The following LRBA variants were observed in gnomAD, a reference collection of about 807,000 sequenced individuals.
LRBA encodes lipopolysaccharide-responsive and beige-like anchor protein.
In LRBA, 176 loss-of-function variants were observed where a neutral mutation model predicts 330.0. The observed-to-expected ratio is 0.53, with a 90% CI of 0.47 to 0.60. The LOEUF is 0.60. Ranked by LOEUF, LRBA falls within the 20% of genes least tolerant of loss-of-function variation. The probability of loss-of-function intolerance (pLI) is 0.00; values close to 1 mark genes in which losing one functional copy is unlikely to be tolerated. For missense variants in LRBA, 3,259 were observed against 3,444.8 expected (o/e 0.95, Z 1.35); for synonymous variants, 1,230 against 1,193.0 (o/e 1.03, Z -0.64).
At chr4:150,335,568 A>G (rs1734613751) in intron 48 of LRBA, among the ~76,000 whole-genome samples, 2 of 150,874 alleles carry the variant, frequency 1.3e-5, no homozygotes, top group African/African-American at 4.9e-5. Flanking sequence ...ATATGTATAT[A>G]TAAAGCACTT....
intron 36 of LRBA, among the ~76,000 whole-genome samples, chr4:150,707,035 GAAC>G (rs1179677503): frequency 6.6e-6 from 1 of 151,558 alleles, no homozygotes; most frequent in Non-Finnish European, 1.5e-5. Context: ...GCAAAATACA[GAAC>G]ATTATTTATA....
intron 40 of LRBA, among the ~76,000 whole-genome samples, chr4:150,530,165 T>C: frequency 6.6e-6 from 1 of 152,210 alleles, no homozygotes; most frequent in East Asian, 1.9e-4. Context: ...GAAAACCATT[T>C]AAGAAAAGAA....
chr4:150,885,162 G>A (rs1416589016), intron 17 of LRBA, among the ~76,000 whole-genome samples: 2 of 140,850 alleles, frequency 1.4e-5, no homozygotes, highest in African/African-American at 5.4e-5. Flanking sequence ...GACACTGTAG[G>A]ACAATACAGT....
chr4:150,582,700 C>T, intron 40 of LRBA: 2 of 238,612 alleles, frequency 8.4e-6, no homozygotes, highest in Non-Finnish European at 1.6e-5. Context: ...TCTCCTTCCT[C>T]ACGCCCACCC....
At position 150,695,783 on chromosome 4, in the gene LRBA, TA is replaced by T. The variant is rs578097302; in HGVS notation, c.5755-12067del. On this transcript the variant is annotated intron_variant, in intron 36 of 56. Transcript: ENST00000651943. ...ACTTTCTGCTAATCTGCAAAAGAGT[TA>T]GATGATCTTAAGCAAATCCTATCAT... is the stretch of plus-strand genomic sequence containing the variant. Among the ~76,000 whole-genome samples the T allele has an allele frequency of 5.8e-3, 882 of 152,328 alleles. 7 individuals carry two copies. The highest frequency in any genetic ancestry group is 0.02 in the African/African-American group (817 of 41,552).
chr4:150,529,759 G>C (rs1172078072), intron 40 of LRBA, among the ~76,000 whole-genome samples: 1 of 150,440 alleles, frequency 6.6e-6, no homozygotes, highest in Admixed American at 6.6e-5. Context: ...ACCAGCTTAA[G>C]ACAAAGTAGA....
intron 39 of LRBA, among the ~76,000 whole-genome samples, chr4:150,589,076 G>C (rs754182080): frequency 0.021 from 2,613 of 125,464 alleles, 24 homozygotes; most frequent in East Asian, 0.029. Flanking sequence ...CACACACAGA[G>C]AGAGAGAGAT....
intron 36 of LRBA, among the ~76,000 whole-genome samples, chr4:150,686,443 T>C (rs993620444): frequency 1.5e-4 from 23 of 152,220 alleles, no homozygotes; most frequent in African/African-American, 4.6e-4. Flanking sequence ...AAGAAATGTA[T>C]GAAAGGGCAG....
rs1745191594 is a variant in LRBA at position 150,265,516 on chromosome 4, A to G, written c.*206T>C. ...CTAAAAATATAGATTTTTTAAAACT[A>G]CAGAACCCAGCAGCCAGTTTTCTGC... On this transcript the variant is annotated 3_prime_UTR_variant, in exon 57 of 57. Transcript: ENST00000651943. 1 of 481,610 alleles carries G rather than the reference A, an allele frequency of 2.1e-6. No individual in the cohort carries two copies. The highest frequency in any genetic ancestry group is 3.8e-6 in the Non-Finnish European group (1 of 264,294). 29.8% of individuals were successfully genotyped at this position (481,610 alleles called of 1,614,324 possible). A position where few individuals can be genotyped will look rare whatever the true frequency, so the allele number is the denominator to read the frequency against.
chr4:150,810,438 T>C (rs1250363985), intron 31 of LRBA, among the ~76,000 whole-genome samples: 1 of 135,026 alleles, frequency 7.4e-6, no homozygotes, highest in African/African-American at 2.7e-5. Flanking sequence ...TTCCTTTATA[T>C]ACCGGAAGTT....
At chr4:150,376,635 AGTT>A (rs1273933336) in intron 47 of LRBA, among the ~76,000 whole-genome samples, 5 of 152,174 alleles carry the variant, frequency 3.3e-5, no homozygotes, top group Admixed American at 3.3e-4. Flanking sequence ...CACTGCATTT[AGTT>A]GTTGTGTCTA....
At chr4:150,348,490 T>A (rs1736707628) in intron 48 of LRBA, among the ~76,000 whole-genome samples, 2 of 152,168 alleles carry the variant, frequency 1.3e-5, no homozygotes, top group Admixed American at 1.3e-4. Flanking sequence ...GGAGATTGCA[T>A]ATAGTGACAC....
At chr4:150,617,643 A>C (rs986708297) in intron 37 of LRBA, among the ~76,000 whole-genome samples, 2 of 146,866 alleles carry the variant, frequency 1.4e-5, no homozygotes, top group Admixed American at 1.4e-4. Context: ...ACTTCGTCTC[A>C]AAAAAAAAAA....
chr4:150,938,060 G>A (rs1735271732), intron 2 of LRBA, among the ~76,000 whole-genome samples: 1 of 150,086 alleles, frequency 6.7e-6, no homozygotes, highest in African/African-American at 2.5e-5. Context: ...AGGTGGGGCA[G>A]GAGTATGGTA....
At chr4:150,603,186 C>T (rs1046457377) in intron 37 of LRBA, among the ~76,000 whole-genome samples, 2 of 152,284 alleles carry the variant, frequency 1.3e-5, no homozygotes, top group South Asian at 4.1e-4. Flanking sequence ...GACACAATCT[C>T]CAGGTACTAA....
chr4:150,803,561 T>C (rs1027969572), intron 33 of LRBA, among the ~76,000 whole-genome samples: 3 of 152,170 alleles, frequency 2.0e-5, no homozygotes, highest in Non-Finnish European at 4.4e-5. Context: ...AAGGACAGAA[T>C]GAAAACCAAA....
intron 34 of LRBA, among the ~76,000 whole-genome samples, chr4:150,762,572 C>T (rs1396971370): frequency 6.6e-6 from 1 of 151,760 alleles, no homozygotes; most frequent in East Asian, 1.9e-4. Flanking sequence ...GAAAGGCCTA[C>T]ATGAACTGAA....
intron 40 of LRBA, among the ~76,000 whole-genome samples, chr4:150,508,038 T>C (rs1255381323): frequency 8.6e-6 from 1 of 116,394 alleles, no homozygotes; most frequent in Non-Finnish European, 1.6e-5. Context: ...TAAGAACACA[T>C]GGACACAGGA....
At chr4:150,730,284 TCAAA>T (rs1560740750) in intron 36 of LRBA, among the ~76,000 whole-genome samples, 2 of 152,106 alleles carry the variant, frequency 1.3e-5, no homozygotes, top group African/African-American at 2.4e-5. Context: ...TGTAAATAAC[TCAAA>T]CAACTGTATA....
Sources: gnomAD v4.1 joint callset for allele counts (sites outside exome capture counted in the v4.1 genomes callset) on GRCh38, gnomAD v4.1.1 for gene constraint, MANE v1.5 for transcripts, NCBI Gene and HGNC (gene_info 2026-07-23, HGNC 2026-07-21) for gene names.